Variants in ANK2 observed in about 807,000 individuals in gnomAD.
ANK2 encodes ankyrin-2.
ANK2 carries 83 observed loss-of-function variants against 360.5 expected under a neutral mutation model. The ratio of observed to expected loss-of-function variants is 0.23; its 90% confidence interval spans 0.19 to 0.28. The LOEUF is 0.28. ANK2 is among the 10% of genes least tolerant of loss of function. ANK2 has a pLI of 1.00. For synonymous variants in ANK2, 1,740 were observed against 1,759.5 expected, an observed-to-expected ratio of 0.99 and a Z score of 0.28; for missense variants, 4,201 against 4,795.7, an observed-to-expected ratio of 0.88 and a Z score of 3.66.
At chr4:112,951,644 T>TA (rs76867362) in intron 2 of ANK2, among the ~76,000 whole-genome samples, 129 of 150,536 alleles carry the variant, frequency 8.6e-4, no homozygotes, top group African/African-American at 2.5e-3. Context: ...TCTAAGGGTT[T>TA]AAAAAAAAAA....
intron 42 of ANK2, among the ~76,000 whole-genome samples, chr4:113,368,613 C>T (rs2096619910): frequency 6.6e-6 from 1 of 152,116 alleles, no homozygotes; most frequent in Non-Finnish European, 1.5e-5. Context: ...GTGAGAAAGG[C>T]CAACATATCC....
Position 113,347,873 on chromosome 4 carries a change from G to A in ANK2, c.4372-403G>A, listed in dbSNP as rs145146085. 622 of 186,868 alleles carry A rather than the reference G, an allele frequency of 3.3e-3. 1 individual carries two copies. The highest frequency in any genetic ancestry group is 5.3e-3 in the Non-Finnish European group (469 of 89,224). The allele number at this position is 186,868 out of a possible 1,614,324, so 11.6% of individuals were successfully genotyped here. A position where few individuals can be genotyped will look rare whatever the true frequency, so the allele number is the denominator to read the frequency against. ...AATAATGCTTCTAAATATTGCCTGT[G>A]TATTGAAAATTTTCCACCATATGCT... On this transcript the variant is annotated intron_variant, in intron 35 of 45. Transcript: ENST00000357077.
intron 1 of ANK2, among the ~76,000 whole-genome samples, chr4:112,829,491 C>CAAAAAAAAAAAAAAAAAAAAACAAA (rs60272903): frequency 1.6e-5 from 1 of 60,728 alleles, no homozygotes; most frequent in African/African-American, 8.1e-5. Context: ...CCCATCTCTA[C>CAAAAAAAAAAAAAAAAAAAAACAAA]AAAAAAAAAA....
chr4:112,997,238 T>A (rs2048880200), intron 2 of ANK2, among the ~76,000 whole-genome samples: 1 of 152,156 alleles, frequency 6.6e-6, no homozygotes, highest in South Asian at 2.1e-4. Context: ...CTTCATGTAC[T>A]TATCATTTTT....
chr4:113,315,626 T>C lies in ANK2; in HGVS notation c.2694-2081T>C, dbSNP rs182065635. 3.3e-3 allele frequency among the ~76,000 whole-genome samples: 508 copies of C among 152,192 alleles called. 1 individual carries two copies. The highest frequency in any genetic ancestry group is 0.02 in the Middle Eastern group (6 of 294). ...AAGAGTTGCTGATCTAGCCCGGGCA[T>C]AGTGGCTCACGCCTGTAATCCCAGC... On this transcript the variant is annotated intron_variant, in intron 24 of 45. Coordinates refer to ENST00000357077, the MANE Select transcript of ANK2 (RefSeq NM_001148.6).
intron 3 of ANK2, among the ~76,000 whole-genome samples, chr4:113,196,977 C>T (rs2098756716): frequency 6.6e-6 from 1 of 152,164 alleles, no homozygotes; most frequent in African/African-American, 2.4e-5. Context: ...AATCTGTAAA[C>T]CTAGTTTATA....
the ANK2 span, among the ~76,000 whole-genome samples, chr4:112,800,143 C>T: frequency 5.3e-5 from 8 of 152,140 alleles, no homozygotes; most frequent in East Asian, 1.2e-3. Flanking sequence ...TGTGGAGTCA[C>T]GACAAATGTC....
At chr4:112,857,164 C>G (rs2066646015) in intron 1 of ANK2, among the ~76,000 whole-genome samples, 1 of 151,886 alleles carries the variant, frequency 6.6e-6, no homozygotes, top group Admixed American at 6.6e-5. Flanking sequence ...TTCAGGAGAG[C>G]CTGATTAAAG....
At chr4:112,976,750 T>TAAG (rs1484588785) in intron 2 of ANK2, among the ~76,000 whole-genome samples, 3 of 152,038 alleles carry the variant, frequency 2.0e-5, no homozygotes, top group Non-Finnish European at 4.4e-5. Context: ...CCCAAAACAT[T>TAAG]ACGCTTAGTG....
chr4:113,144,828 AATATAT>A (rs199547163), intron 1 of ANK2, among the ~76,000 whole-genome samples: 1 of 146,506 alleles, frequency 6.8e-6, no homozygotes, highest in East Asian at 1.9e-4. Flanking sequence ...TATAGTTATA[AATATAT>A]ATATATATAG....
At chr4:113,202,879 C>A (rs2098854245) in intron 4 of ANK2, among the ~76,000 whole-genome samples, 1 of 152,096 alleles carries the variant, frequency 6.6e-6, no homozygotes, top group Non-Finnish European at 1.5e-5. Flanking sequence ...GATTTAGTAA[C>A]AATGAACAAA....
At chr4:112,831,702 G>T (rs1049854126) in intron 1 of ANK2, among the ~76,000 whole-genome samples, 1 of 152,086 alleles carries the variant, frequency 6.6e-6, no homozygotes, top group East Asian at 1.9e-4. Flanking sequence ...TTGTTTTTTC[G>T]CTCTTCACAA....
At chr4:113,341,665 A>T (rs1422512837) in intron 32 of ANK2, 23 bp from the exon 33 acceptor site, 2 of 1,611,068 alleles carry the variant, frequency 1.2e-6, no homozygotes, top group Non-Finnish European at 1.7e-6. Flanking sequence ...ACTTTAGATA[A>T]CTGACTTTAT....
rs1588919365 is a variant in ANK2 at position 113,354,284 on chromosome 4, G to A, written c.5666G>A (p.Arg1889Lys). 3 of 1,613,918 alleles carry A rather than the reference G, an allele frequency of 1.9e-6. No homozygotes were observed. The highest frequency in any genetic ancestry group is 1.6e-4 in the Middle Eastern group (1 of 6,082). Residue 1889 changes from arginine (R) to lysine (K), a missense_variant, in exon 38 of 46, where the codon AGG (arginine) becomes AAG (lysine). This residue lies in a region of ANK2 where 2,642 missense variants were observed against 2,714.5 expected (regional missense o/e 0.97). Transcript: ENST00000357077. Reference sequence around the variant, plus strand: ...GTATCACCCTCGACAAAAACTGAAAGGCACTCTCCTGTGTCATCTACAAAA... The same window carrying A: ...GTATCACCCTCGACAAAAACTGAAAAGCACTCTCCTGTGTCATCTACAAAA... ...SPVSPSTKTE[R>K]HSPVSSTKTE...
intron 34 of ANK2, among the ~76,000 whole-genome samples, chr4:113,343,897 T>C (rs1191366054): frequency 6.6e-6 from 1 of 152,226 alleles, no homozygotes; most frequent in Non-Finnish European, 1.5e-5. Context: ...GGCTGGCTTC[T>C]GTCGTTTTTT....
At chr4:113,139,551 G>A (rs971390559) in intron 1 of ANK2, among the ~76,000 whole-genome samples, 1 of 152,212 alleles carries the variant, frequency 6.6e-6, no homozygotes, top group Non-Finnish European at 1.5e-5. Flanking sequence ...TTCAAAATAA[G>A]TAGGAGTGCA....
At chr4:112,910,802 G>C (rs947616910) in intron 2 of ANK2, among the ~76,000 whole-genome samples, 1 of 152,058 alleles carries the variant, frequency 6.6e-6, no homozygotes, top group Non-Finnish European at 1.5e-5. Flanking sequence ...AGATTTTAGA[G>C]GCAATGTTTA....
At chr4:112,997,139 A>G (rs1490796568) in intron 2 of ANK2, among the ~76,000 whole-genome samples, 1 of 152,168 alleles carries the variant, frequency 6.6e-6, no homozygotes, top group Non-Finnish European at 1.5e-5. Context: ...ACAAATAAAC[A>G]TTGTATATAT....
At chr4:113,109,641 CA>C (rs2094070093) in intron 1 of ANK2, among the ~76,000 whole-genome samples, 1 of 152,164 alleles carries the variant, frequency 6.6e-6, no homozygotes, top group Non-Finnish European at 1.5e-5. Flanking sequence ...ACTTAGGAAA[CA>C]AAAGCAATTT....
Sources: allele counts gnomAD v4.1 joint callset (sites outside exome capture counted in the v4.1 genomes callset), GRCh38; gene constraint gnomAD v4.1.1; regional missense constraint gnomAD v4.1.1; transcripts MANE v1.5; gene names NCBI Gene and HGNC (gene_info 2026-07-23, HGNC 2026-07-21).